Variants in SLC2A12 observed in about 807,000 individuals in gnomAD.
The protein encoded by SLC2A12 is solute carrier family 2, facilitated glucose transporter member 12.
A neutral mutation model predicts 41.8 loss-of-function variants in SLC2A12; 23 were observed. The ratio of observed to expected loss-of-function variants is 0.55; its 90% CI spans 0.40 to 0.78. The LOEUF (loss-of-function observed/expected upper bound fraction) is 0.78, where lower values mean the gene tolerates loss of function less well. Among genes scored for constraint, SLC2A12 ranks in the 30% least tolerant of loss-of-function variants. The pLI is 0.00. For synonymous variants in SLC2A12, 295 were observed against 285.9 expected (o/e 1.03, Z -0.32); for missense variants, 654 against 745.6 (o/e 0.88, Z 1.43).
intron 3 of SLC2A12, 68 bp from the exon 4 acceptor site, chr6:134,002,197 C>T (rs1776761739): frequency 6.6e-7 from 1 of 1,508,088 alleles, no homozygotes; most frequent in South Asian, 1.2e-5. Context: ...TGTGAACAGC[C>T]ACTTAGGGCA....
chr6:134,009,581 G>A (rs1776853882), intron 2 of SLC2A12, among the ~76,000 whole-genome samples: 1 of 152,118 alleles, frequency 6.6e-6, no homozygotes, highest in African/African-American at 2.4e-5. Context: ...AGCACTTTGG[G>A]AGGCTGAGGT....
At chr6:134,050,060 A>G (rs1438836472) in intron 1 of SLC2A12, among the ~76,000 whole-genome samples, 1 of 152,246 alleles carries the variant, frequency 6.6e-6, no homozygotes, top group Non-Finnish European at 1.5e-5. Flanking sequence ...AGAAGCCAAA[A>G]GGAGTATTTG....
chr6:134,014,140 G>A (rs375544590), intron 2 of SLC2A12, among the ~76,000 whole-genome samples: 150 of 152,298 alleles, frequency 9.8e-4, no homozygotes, highest in African/African-American at 3.6e-3. Flanking sequence ...GGGGGCAGGA[G>A]GTATGGTTTC....
At chr6:133,993,244 AT>A (rs1776646655) in intron 4 of SLC2A12, among the ~76,000 whole-genome samples, 2 of 152,144 alleles carry the variant, frequency 1.3e-5, no homozygotes, top group African/African-American at 4.8e-5. Context: ...GGCCACCCAC[AT>A]TTGACTCTAA....
intron 1 of SLC2A12, among the ~76,000 whole-genome samples, chr6:134,032,413 T>A (rs1777221107): frequency 2.8e-5 from 1 of 35,170 alleles, no homozygotes; most frequent in African/African-American, 1.1e-4. Flanking sequence ...GAAATATATA[T>A]ATATATATAT....
chr6:134,001,936 T>C lies in SLC2A12; in HGVS notation c.1700+61A>G, dbSNP rs938487125. The C allele has an allele frequency of 6.5e-5, 101 of 1,552,594 alleles. No individual in the cohort carries two copies. In the African/African-American group the frequency reaches 7.4e-4, roughly 11 times the overall value. Reference sequence around the variant, plus strand: ...TTTCAGATATTATTCCTTTGCTGTATATAAAAGCTGCACTTTTGACCAAAG... The same window carrying C: ...TTTCAGATATTATTCCTTTGCTGTACATAAAAGCTGCACTTTTGACCAAAG... On this transcript the variant is annotated intron_variant, in intron 4 of 4. Coordinates refer to ENST00000275230, the MANE Select transcript of SLC2A12 (RefSeq NM_145176.3).
chr6:134,016,690 C>T (rs1400863463), intron 2 of SLC2A12, among the ~76,000 whole-genome samples: 3 of 152,206 alleles, frequency 2.0e-5, no homozygotes. Context: ...GACAGGCTAA[C>T]TTGTTAGCTT....
Position 133,991,177 on chromosome 6 carries a change from C to G in SLC2A12, c.1832G>C (p.Arg611Thr). 1 of 1,612,878 alleles carries G rather than the reference C, an allele frequency of 6.2e-7. No individual in the cohort carries two copies. The highest frequency in any genetic ancestry group is 1.1e-5 in the South Asian group (1 of 90,704). Residue 611 changes from arginine to threonine, a missense_variant, in exon 5 of 5, where the codon AGG becomes ACG. Transcript: ENST00000275230. ...CCATTAGGTCTCTGGAGAAAGCTGC[C>G]TGGATTGGCCCCTACCACACAGCTT... ...CNKLCGRGQS[R>T]QLSPET
At position 134,001,680 on chromosome 6, in the gene SLC2A12, A is replaced by G. The variant is rs537295226; in HGVS notation, c.1700+317T>C. Among the ~76,000 whole-genome samples the G allele has an allele frequency of 1.1e-4, 16 of 152,136 alleles. No individual in the cohort carries two copies. The East Asian group carries it at 3.1e-3, about 29-fold the overall frequency. On this transcript the variant is annotated intron_variant, in intron 4 of 4. Coordinates refer to ENST00000275230, the MANE Select transcript of SLC2A12 (RefSeq NM_145176.3). ...AAAACATTCCAATTGTAAAGATTTT[A>G]TTCAAATTCAGTACAATATTTCATT...
chr6:133,993,118 C>T (rs1776644414), intron 4 of SLC2A12, among the ~76,000 whole-genome samples: 1 of 152,114 alleles, frequency 6.6e-6, no homozygotes, highest in South Asian at 2.1e-4. Context: ...TTAACACTCT[C>T]TTCTTTGCTC....
intron 1 of SLC2A12, among the ~76,000 whole-genome samples, chr6:134,046,668 G>A (rs998138624): frequency 1.2e-4 from 18 of 152,046 alleles, no homozygotes; most frequent in African/African-American, 3.9e-4. Context: ...AAAATTAGCC[G>A]GGTGTGGTGG....
chr6:133,995,205 G>A (rs1776672058), intron 4 of SLC2A12, among the ~76,000 whole-genome samples: 1 of 152,134 alleles, frequency 6.6e-6, no homozygotes, highest in African/African-American at 2.4e-5. Context: ...AAGACCTTTT[G>A]TTTTGTTTTG....
intron 1 of SLC2A12, among the ~76,000 whole-genome samples, chr6:134,050,163 A>G (rs566894183): frequency 6.6e-6 from 1 of 152,370 alleles, no homozygotes; most frequent in African/African-American, 2.4e-5. Context: ...GTAACTTAAG[A>G]AAACCATACA....
At position 133,997,769 on chromosome 6, in the gene SLC2A12, C is replaced by T. The variant is rs1776713557; in HGVS notation, c.1700+4228G>A. 2.0e-5 allele frequency among the ~76,000 whole-genome samples: 3 copies of T among 152,146 alleles called. No individual in the cohort carries two copies. The South Asian group carries it at 6.2e-4, about 32-fold the overall frequency. ...AGCATCATGCAGTAAACCTTTGTAA[C>T]AAACCTGCACATGTAGCCTCTGATT... On this transcript the variant is annotated intron_variant, in intron 4 of 4. Transcript: ENST00000275230.
intron 2 of SLC2A12, among the ~76,000 whole-genome samples, chr6:134,021,868 T>G (rs1007199573): frequency 6.6e-5 from 10 of 152,176 alleles, no homozygotes; most frequent in Non-Finnish European, 1.5e-4. Context: ...AGGATCTGGA[T>G]AGAGCAGAGG....
chr6:134,034,531 A>G (rs112975514), intron 1 of SLC2A12, among the ~76,000 whole-genome samples: 15 of 152,318 alleles, frequency 9.8e-5, no homozygotes, highest in African/African-American at 2.4e-4. Context: ...GCTACTTTAC[A>G]AAGAGAGGCA....
At position 133,988,726 on chromosome 6, in the gene SLC2A12, T is replaced by C. The variant is rs906973383; in HGVS notation, c.*2429A>G. On this transcript the variant is annotated 3_prime_UTR_variant, in exon 5 of 5. Coordinates refer to ENST00000275230, the MANE Select transcript of SLC2A12 (RefSeq NM_145176.3). ...GAGATTTTTAGACTTGTATTTTTCC[T>C]TTTTTTTAAAAAAAAAGTGTTTATT... 8 of 151,114 alleles carry C rather than the reference T, an allele frequency of 5.3e-5. No individual in the cohort carries two copies. The highest frequency in any genetic ancestry group is 1.7e-4 in the African/African-American group (7 of 41,114). The allele number at this position is 151,114 out of a possible 1,614,324, so 9.4% of individuals were successfully genotyped here.
chr6:134,025,095 G>A (rs1777096584), intron 2 of SLC2A12, among the ~76,000 whole-genome samples: 1 of 152,064 alleles, frequency 6.6e-6, no homozygotes, highest in South Asian at 2.1e-4. Context: ...TCTCTATTTT[G>A]CAAAATGCAC....
Position 133,991,115 on chromosome 6 carries a change from G to A in SLC2A12, c.*40C>T. ...CATTGGTCCAAAGACACCCTCCTAA[G>A]TGTTCTGGCACTATCCACGTTCAGA... On this transcript the variant is annotated 3_prime_UTR_variant, in exon 5 of 5. Coordinates refer to ENST00000275230, the MANE Select transcript of SLC2A12 (RefSeq NM_145176.3). 1 of 1,581,006 alleles carries A rather than the reference G, an allele frequency of 6.3e-7. No homozygotes were observed. Among genetic ancestry groups the A allele is most frequent in the Non-Finnish European group, 8.6e-7 (1 of 1,166,882 alleles).
Sources: allele counts gnomAD v4.1 joint callset (sites outside exome capture counted in the v4.1 genomes callset), GRCh38; gene constraint gnomAD v4.1.1; transcripts MANE v1.5; gene names NCBI Gene and HGNC (gene_info 2026-07-23, HGNC 2026-07-21).